FNBP1: variants seen among roughly 807,000 people sequenced by gnomAD.
FNBP1 encodes formin-binding protein 1.
Under a neutral mutation model 90.6 loss-of-function variants are expected in FNBP1, and 26 were observed. The observed-to-expected ratio is 0.29, with a 90% CI of 0.21 to 0.40. The LOEUF (loss-of-function observed/expected upper bound fraction) is 0.40. Ranked by LOEUF, FNBP1 falls within the 10% of genes least tolerant of loss-of-function variation. FNBP1 has a pLI of 1.00. For missense variants in FNBP1, 635 were observed against 768.0 expected, an observed-to-expected ratio of 0.83 and a Z score of 2.05; for synonymous variants, 260 against 265.2, an observed-to-expected ratio of 0.98 and a Z score of 0.19.
At chr9:129,901,354 T>C (rs914320583) in intron 13 of FNBP1, among the ~76,000 whole-genome samples, 2 of 151,444 alleles carry the variant, frequency 1.3e-5, no homozygotes, top group African/African-American at 4.9e-5. Flanking sequence ...CTGGCCAACA[T>C]GGTGAAACTC....
chr9:129,944,153 T>C (rs2044811969), intron 6 of FNBP1, among the ~76,000 whole-genome samples: 1 of 152,092 alleles, frequency 6.6e-6, no homozygotes, highest in Non-Finnish European at 1.5e-5. Context: ...AACTGGGGAC[T>C]TCATGAAAGG....
Position 130,042,910 on chromosome 9 carries a change from C to T in FNBP1, c.24+42G>A. 2.5e-6 allele frequency: 3 copies of T among 1,210,834 alleles called. No individual in the cohort carries two copies. Among genetic ancestry groups the T allele is most frequent in the Non-Finnish European group, 3.1e-6 (3 of 968,090 alleles). 75.0% of individuals were successfully genotyped at this position (1,210,834 alleles called of 1,614,324 possible). On this transcript the variant is annotated intron_variant, in intron 1 of 16. Transcript: ENST00000446176. The surrounding 1 kb of genome is among the most constrained non-coding windows in gnomAD (Gnocchi z 5.5). ...CTCCCCAGGCCGCGGGGAAACGCAG[C>T]GCGCGCCCCGCATCTGCCCGCGGGC...
At chr9:130,014,476 T>C (rs1463131696) in intron 1 of FNBP1, among the ~76,000 whole-genome samples, 3 of 152,010 alleles carry the variant, frequency 2.0e-5, no homozygotes, top group African/African-American at 4.8e-5. Flanking sequence ...GGTCTCAAAC[T>C]CCTGACCTCA....
chr9:129,893,259 C>T (rs2131168526), intron 16 of FNBP1, among the ~76,000 whole-genome samples: 1 of 151,914 alleles, frequency 6.6e-6, no homozygotes, highest in Admixed American at 6.6e-5. Context: ...TACAAAGAGG[C>T]CTGGGGTCGG....
At chr9:129,925,446 C>T (rs1282369972) in intron 8 of FNBP1, among the ~76,000 whole-genome samples, 1 of 150,900 alleles carries the variant, frequency 6.6e-6, no homozygotes, top group African/African-American at 2.4e-5. Flanking sequence ...GCGGAGGTTG[C>T]AGTGAGCTGA....
intron 6 of FNBP1, among the ~76,000 whole-genome samples, chr9:129,933,205 A>G (rs1283380081): frequency 6.6e-6 from 1 of 152,170 alleles, no homozygotes; most frequent in African/African-American, 2.4e-5. Flanking sequence ...ATTATATATA[A>G]TATGTATGCA....
chr9:130,028,586 A>G (rs1041162597), intron 1 of FNBP1, among the ~76,000 whole-genome samples: 1 of 152,100 alleles, frequency 6.6e-6, no homozygotes, highest in Non-Finnish European at 1.5e-5. Flanking sequence ...TTATGTTGTT[A>G]TAACAATTTG....
At chr9:129,950,976 T>C (rs1245886004) in intron 6 of FNBP1, among the ~76,000 whole-genome samples, 1 of 148,322 alleles carries the variant, frequency 6.7e-6, no homozygotes, top group Admixed American at 6.7e-5. Flanking sequence ...AATTTTTTTT[T>C]TTTTTTTTTT....
rs1237094877 is a variant in FNBP1, at chr9:129,966,111, G to A, written c.346-7558C>T. Among the ~76,000 whole-genome samples, 1 of 152,184 alleles carries A rather than the reference G, an allele frequency of 6.6e-6. No individual in the cohort carries two copies. The highest frequency in any genetic ancestry group is 1.5e-5 in the Non-Finnish European group (1 of 68,040). ...GTCCCAGTGAAACTGAGTGGATCCAGAAGTAAGACAAACAGGGTAAAGGAA... is the reference window on the plus strand; with the variant it reads ...GTCCCAGTGAAACTGAGTGGATCCAAAAGTAAGACAAACAGGGTAAAGGAA... On this transcript the variant is annotated intron_variant, in intron 4 of 16. Coordinates refer to ENST00000446176, the MANE Select transcript of FNBP1 (RefSeq NM_015033.3). The surrounding 1 kb of genome is among the most constrained non-coding windows in gnomAD (Gnocchi z 4.3).
chr9:129,927,281 C>A lies in FNBP1; in HGVS notation c.703G>T (p.Ala235Ser), dbSNP rs2042055857. The change falls in exon 8 of 17, where the codon GCA becomes TCA. Residue 235 changes from alanine (A) to serine (S), a missense_variant. Coordinates refer to ENST00000446176, the MANE Select transcript of FNBP1 (RefSeq NM_015033.3). ...GGGATCACCTGCCGATCAACCTCTG[C>A]ATATGTCTTCATGGACTCTCCCATT... ...VRMGESMKTY[A>S]EVDRQVIPII... is the part of the protein sequence containing the mutation. 3 of 1,613,596 alleles carry A rather than the reference C, an allele frequency of 1.9e-6. No homozygotes were observed. The East Asian group carries it at 6.7e-5, about 36-fold the overall frequency.
At chr9:129,989,756 T>C (rs1280097394) in intron 2 of FNBP1, among the ~76,000 whole-genome samples, 2 of 151,958 alleles carry the variant, frequency 1.3e-5, no homozygotes, top group East Asian at 1.9e-4. Context: ...TACTTGAAAA[T>C]TGCCAGGCCG....
intron 1 of FNBP1, among the ~76,000 whole-genome samples, chr9:130,028,126 C>A (rs1333225941): frequency 6.6e-6 from 1 of 152,184 alleles, no homozygotes; most frequent in African/African-American, 2.4e-5. Flanking sequence ...TGCCTAGATT[C>A]AAATGAAAGT....
intron 10 of FNBP1, among the ~76,000 whole-genome samples, chr9:129,916,977 T>C (rs542623451): frequency 6.6e-6 from 1 of 151,908 alleles, no homozygotes; most frequent in East Asian, 1.9e-4. Flanking sequence ...AACTCAGCCC[T>C]GTCCACAGGG....
intron 4 of FNBP1, among the ~76,000 whole-genome samples, chr9:129,961,604 G>A (rs193049293): frequency 2.6e-5 from 4 of 152,086 alleles, no homozygotes; most frequent in East Asian, 1.9e-4. Flanking sequence ...GTCTTGTTCC[G>A]TTGCCCAGGC....
At chr9:129,951,377 A>G (rs79816297) in intron 6 of FNBP1, among the ~76,000 whole-genome samples, 1,911 of 152,098 alleles carry the variant, frequency 0.013, 18 homozygotes, top group Middle Eastern at 0.024. Flanking sequence ...GACAGGTGTG[A>G]GCCATCATGC....
At chr9:129,901,857 A>C (rs898519143) in intron 13 of FNBP1, among the ~76,000 whole-genome samples, 2 of 152,188 alleles carry the variant, frequency 1.3e-5, no homozygotes, top group African/African-American at 4.8e-5. Flanking sequence ...GGTCACACTG[A>C]GGTGAGATCA....
chr9:129,945,813 TC>T (rs1359735735), intron 6 of FNBP1, among the ~76,000 whole-genome samples: 1 of 152,232 alleles, frequency 6.6e-6, no homozygotes, highest in Non-Finnish European at 1.5e-5. Context: ...ATTGACAGAT[TC>T]CTATCTATAA....
intron 1 of FNBP1, among the ~76,000 whole-genome samples, chr9:130,007,997 CA>C (rs36074642): frequency 7.6e-4 from 72 of 95,240 alleles, no homozygotes; most frequent in South Asian, 4.1e-3. Flanking sequence ...GACTCTGTCT[CA>C]AAAAAAAAAA....
intron 1 of FNBP1, among the ~76,000 whole-genome samples, chr9:129,998,460 G>C (rs1270375959): frequency 6.6e-6 from 1 of 151,504 alleles, no homozygotes; most frequent in Non-Finnish European, 1.5e-5. Context: ...GTTGCAGTGA[G>C]CCAAGACGGG....
Sources: gnomAD v4.1 joint callset for allele counts (sites outside exome capture counted in the v4.1 genomes callset) on GRCh38, gnomAD v4.1.1 for gene constraint, Gnocchi (gnomAD v3.1) non-coding constraint, MANE v1.5 for transcripts, NCBI Gene and HGNC (gene_info 2026-07-23, HGNC 2026-07-21) for gene names.